CHRM3: variants seen among roughly 807,000 people sequenced by gnomAD.
CHRM3 encodes the protein cholinergic receptor muscarinic 3, also known as muscarinic acetylcholine receptor M3.
CHRM3 carries 11 observed loss-of-function variants against 41.8 expected under a neutral mutation model. The ratio of observed to expected loss-of-function variants is 0.26; its 90% CI spans 0.17 to 0.44. The LOEUF (loss-of-function observed/expected upper bound fraction) is 0.44. Among genes scored for constraint, CHRM3 ranks in the 20% least tolerant of loss-of-function variants. The probability of loss-of-function intolerance (pLI) is 1.00; values close to 1 mark genes in which losing one functional copy is unlikely to be tolerated. For missense variants in CHRM3, 571 were observed against 745.4 expected (o/e 0.77, Z 2.72); for synonymous variants, 297 against 301.4 (o/e 0.99, Z 0.15).
chr1:239,909,234 G>A lies in CHRM3; in HGVS notation c.*10G>A, dbSNP rs765595334. 1 of 1,590,408 alleles carries A rather than the reference G, an allele frequency of 6.3e-7. No individual in the cohort carries two copies. Among genetic ancestry groups the A allele is most frequent in the Non-Finnish European group, 8.6e-7 (1 of 1,169,542 alleles). On this transcript the variant is annotated 3_prime_UTR_variant, in exon 7 of 7. Transcript: ENST00000676153. ...CGAGCAGGCCTTGTAGAATGAGGTT[G>A]TATCAATAGCAGTGACAAAACGCAC...
chr1:239,405,673 C>G (rs1224108269), intron 1 of CHRM3, among the ~76,000 whole-genome samples: 1 of 152,032 alleles, frequency 6.6e-6, no homozygotes, highest in Non-Finnish European at 1.5e-5. Flanking sequence ...AGATGGCAGA[C>G]AACTGCATTT....
In CHRM3 at chr1:239,602,776, A is replaced by C. The variant is rs181059788; in HGVS notation, c.-312-29448A>C. ...TTTATAATATAGAGAATTCTTTAAA[A>C]TTTTTTTAATTATGGTAAAAACAGA... On this transcript the variant is annotated intron_variant, in intron 3 of 6. Transcript: ENST00000676153. Among the ~76,000 whole-genome samples the C allele has an allele frequency of 4.3e-3, 655 of 152,260 alleles. 5 individuals carry two copies. Among genetic ancestry groups the C allele is most frequent in the African/African-American group, 0.015 (634 of 41,564 alleles).
chr1:239,788,636 G>C (rs1032032556), intron 5 of CHRM3, among the ~76,000 whole-genome samples: 2 of 151,986 alleles, frequency 1.3e-5, no homozygotes, highest in African/African-American at 4.8e-5. Flanking sequence ...CGTGGTGGTA[G>C]ACACCTGTAA....
At chr1:239,716,843 G>A (rs1168533005) in intron 5 of CHRM3, among the ~76,000 whole-genome samples, 2 of 151,862 alleles carry the variant, frequency 1.3e-5, no homozygotes, top group African/African-American at 4.8e-5. Context: ...TGTACAGGAG[G>A]GTTCATTTGG....
At chr1:239,491,718 A>G (rs1446870425) in intron 1 of CHRM3, among the ~76,000 whole-genome samples, 1 of 152,180 alleles carries the variant, frequency 6.6e-6, no homozygotes, top group Non-Finnish European at 1.5e-5. Context: ...GGATTGCTGG[A>G]TCATATGGTA....
At chr1:239,448,822 T>G (rs1277740082) in intron 1 of CHRM3, among the ~76,000 whole-genome samples, 1 of 152,154 alleles carries the variant, frequency 6.6e-6, no homozygotes, top group Non-Finnish European at 1.5e-5. Flanking sequence ...TAAAATCAGG[T>G]GCAGCATGAA....
intron 3 of CHRM3, among the ~76,000 whole-genome samples, chr1:239,618,373 G>T (rs181056112): frequency 6.8e-6 from 1 of 147,886 alleles, no homozygotes; most frequent in South Asian, 2.2e-4. Context: ...GGCTGATGCA[G>T]CTTCAGTCAT....
chr1:239,825,344 A>G (rs890959656), intron 5 of CHRM3, among the ~76,000 whole-genome samples: 10 of 152,182 alleles, frequency 6.6e-5, no homozygotes, highest in African/African-American at 2.4e-4. Flanking sequence ...CACAATACAC[A>G]TATGCCAAGT....
intron 4 of CHRM3, among the ~76,000 whole-genome samples, chr1:239,668,559 A>G (rs1674053536): frequency 1.3e-5 from 2 of 152,326 alleles, no homozygotes; most frequent in Admixed American, 1.3e-4. Flanking sequence ...GATAAAGTAC[A>G]GGAAGATATA....
chr1:239,872,369 A>G (rs148529265), intron 6 of CHRM3, among the ~76,000 whole-genome samples: 2 of 152,294 alleles, frequency 1.3e-5, no homozygotes, highest in African/African-American at 4.8e-5. Context: ...TCTGTGACCA[A>G]TCGTAGCAGC....
At chr1:239,565,910 CTTT>C (rs796838831) in intron 3 of CHRM3, among the ~76,000 whole-genome samples, 5 of 117,420 alleles carry the variant, frequency 4.3e-5, no homozygotes, top group Admixed American at 8.7e-5. Context: ...CATCTTTTTT[CTTT>C]TTTTTTTTTT....
At chr1:239,476,156 C>T (rs1666455443) in intron 1 of CHRM3, among the ~76,000 whole-genome samples, 2 of 152,146 alleles carry the variant, frequency 1.3e-5, no homozygotes, top group African/African-American at 4.8e-5. Flanking sequence ...CATGGGCCTG[C>T]ATCATGAGTG....
intron 1 of CHRM3, among the ~76,000 whole-genome samples, chr1:239,486,605 G>A (rs1169461395): frequency 6.6e-6 from 1 of 152,178 alleles, no homozygotes; most frequent in East Asian, 1.9e-4. Flanking sequence ...CACCTCTGTG[G>A]TTGTAATGTG....
intron 1 of CHRM3, among the ~76,000 whole-genome samples, chr1:239,473,695 G>T (rs766625719): frequency 6.6e-6 from 1 of 152,106 alleles, no homozygotes; most frequent in Non-Finnish European, 1.5e-5. Context: ...CCTGTTCGCT[G>T]TGACACCAAC....
chr1:239,892,388 G>A (rs553802847), intron 6 of CHRM3, among the ~76,000 whole-genome samples: 4 of 152,098 alleles, frequency 2.6e-5, no homozygotes, highest in South Asian at 4.2e-4. Context: ...TTATTCTTGC[G>A]TACCAAGTTT....
chr1:239,494,191 G>T (rs1461042969), intron 2 of CHRM3, among the ~76,000 whole-genome samples: 2 of 152,126 alleles, frequency 1.3e-5, no homozygotes, highest in African/African-American at 4.8e-5. Flanking sequence ...TAACTTCCTG[G>T]TTGTTGCTAT....
rs1198095631 is a variant in CHRM3 at position 239,910,333 on chromosome 1, A to ATG, written c.*1110_*1111dup. 1.8e-5 allele frequency: 3 copies of ATG among 163,360 alleles called. No homozygotes were observed. 10.1% of individuals were successfully genotyped at this position (163,360 alleles called of 1,614,324 possible). Reference sequence around the variant, plus strand: ...TATATATATGTGTATATATATATATATGGCAAAGCAAAAAAAAAAACATGG... The same window carrying ATG: ...TATATATATGTGTATATATATATATATGTGGCAAAGCAAAAAAAAAAACATGG... On this transcript the variant is annotated 3_prime_UTR_variant, in exon 7 of 7. Coordinates refer to ENST00000676153, the MANE Select transcript of CHRM3 (RefSeq NM_001375978.1).
At chr1:239,490,540 A>C (rs1044943028) in intron 1 of CHRM3, among the ~76,000 whole-genome samples, 1 of 151,982 alleles carries the variant, frequency 6.6e-6, no homozygotes, top group Non-Finnish European at 1.5e-5. Flanking sequence ...TGAATTGAAT[A>C]CGTTCTGTTT....
At chr1:239,597,857 A>ATT (rs1664974269) in intron 3 of CHRM3, among the ~76,000 whole-genome samples, 1 of 41,094 alleles carries the variant, frequency 2.4e-5, no homozygotes, top group Non-Finnish European at 7.0e-5. Flanking sequence ...AAACTGTCAG[A>ATT]GTTTTTTTTT....
Sources: allele counts gnomAD v4.1 joint callset (sites outside exome capture counted in the v4.1 genomes callset), GRCh38; gene constraint gnomAD v4.1.1; transcripts MANE v1.5; gene names NCBI Gene and HGNC (gene_info 2026-07-23, HGNC 2026-07-21).